Variants in BTF3 observed in about 807,000 individuals in gnomAD.
BTF3 encodes transcription factor BTF3.
Under a neutral mutation model 23.9 loss-of-function variants are expected in BTF3, and 12 were observed. The observed-to-expected ratio is 0.50, with a 90% CI of 0.32 to 0.81. The LOEUF (loss-of-function observed/expected upper bound fraction) is 0.81, where lower values mean the gene tolerates loss of function less well. Among genes scored for constraint, BTF3 ranks in the 40% least tolerant of loss-of-function variants. BTF3 has a pLI of 0.03. For synonymous variants in BTF3, 96 were observed against 94.8 expected, an observed-to-expected ratio of 1.01 and a Z score of -0.07; for missense variants, 215 against 255.9, an observed-to-expected ratio of 0.84 and a Z score of 1.09.
Position 73,499,150 on chromosome 5 carries a change from T to C in BTF3, c.149T>C (p.Met50Thr). ...GQEPQMKETI[M>T]NQEKLAKLQA... is the part of the protein sequence containing the mutation. ...TTTTTCTAGATGAAAGAAACAATCA[T>C]GAACCAGGAAAAACTCGCCAAACTG... is the stretch of plus-strand genomic sequence containing the variant. Residue 50 changes from methionine to threonine, a missense_variant, in exon 2 of 6, where the codon ATG becomes ACG. Physicochemically the swap from Met to Thr is moderately conservative, Grantham distance 81. Coordinates refer to ENST00000380591, the MANE Select transcript of BTF3 (RefSeq NM_001037637.2). The C allele has an allele frequency of 6.2e-7, 1 of 1,612,092 alleles. No individual in the cohort carries two copies. The highest frequency in any genetic ancestry group is 8.5e-7 in the Non-Finnish European group (1 of 1,179,686).
At position 73,498,646 on chromosome 5, in the gene BTF3, G is replaced by T. The variant is rs1242254881; in HGVS notation, c.-22G>T. 2 of 1,495,098 alleles carry T rather than the reference G, an allele frequency of 1.3e-6. No individual in the cohort carries two copies. The highest frequency in any genetic ancestry group is 1.8e-6 in the Non-Finnish European group (2 of 1,131,938). The allele number at this position is 1,495,098 out of a possible 1,614,324, so 92.6% of individuals were successfully genotyped here. On this transcript the variant is annotated 5_prime_UTR_variant, in exon 1 of 6. Transcript: ENST00000380591. ...GAAGGAGCGAGACAGGGAGGGACAG[G>T]GCAGAGGAGGAGAGGAAGGCGATGC... is the stretch of plus-strand genomic sequence containing the variant.
At position 73,505,277 on chromosome 5, in the gene BTF3, C is replaced by T. The variant is rs1746530464; in HGVS notation, c.*39C>T. ...CTGAAGATAAAACCTGAAGAAGTTACTGGGAGCTGCTATTTTATATTATGA... is the reference window on the plus strand; with the variant it reads ...CTGAAGATAAAACCTGAAGAAGTTATTGGGAGCTGCTATTTTATATTATGA... On this transcript the variant is annotated 3_prime_UTR_variant, in exon 6 of 6. Coordinates refer to ENST00000380591, the MANE Select transcript of BTF3 (RefSeq NM_001037637.2). The T allele has an allele frequency of 1.3e-6, 2 of 1,571,746 alleles. No homozygotes were observed. Among genetic ancestry groups the T allele is most frequent in the African/African-American group, 1.4e-5 (1 of 73,540 alleles).
rs766351583 is a variant in BTF3 at position 73,502,908 on chromosome 5, C to T, written c.316-8C>T. On this transcript the variant is annotated splice_region_variant and splice_polypyrimidine_tract_variant and intron_variant, in intron 3 of 5. Coordinates refer to ENST00000380591, the MANE Select transcript of BTF3 (RefSeq NM_001037637.2). ...CATTGCTAATTTAAATTTTTCTTTT[C>T]TTAATAGGTGAATATGTTTACAAAC... 6.2e-7 allele frequency: 1 copy of T among 1,610,734 alleles called. No individual in the cohort carries two copies. The highest frequency in any genetic ancestry group is 1.3e-5 in the African/African-American group (1 of 74,772).
intron 2 of BTF3, among the ~76,000 whole-genome samples, chr5:73,500,700 C>G (rs1305517765): frequency 6.6e-6 from 1 of 151,950 alleles, no homozygotes; most frequent in African/African-American, 2.4e-5. Context: ...TTACAAAAGC[C>G]CTTTATTTTC....
intron 5 of BTF3, chr5:73,504,722 C>T: frequency 4.7e-6 from 1 of 211,696 alleles, no homozygotes; most frequent in Non-Finnish European, 9.2e-6. Flanking sequence ...CTTTGAAACT[C>T]ATGAATTTAC....
chr5:73,504,412 G>A lies in BTF3; in HGVS notation c.574+9G>A, dbSNP rs756986460. ...TGATGATGAAGTTCCAGGTAGGAAC[G>A]TTTACTTGTGGTTAACCTAGAGAAT... On this transcript the variant is annotated intron_variant, in intron 5 of 5. Transcript: ENST00000380591. The A allele has an allele frequency of 2.1e-5, 33 of 1,597,662 alleles. No homozygotes were observed. In the South Asian group the frequency reaches 2.3e-4, roughly 11 times the overall value.
chr5:73,498,614 G>T lies in BTF3; in HGVS notation c.-54G>T, dbSNP rs1327810708. 1 of 1,431,284 alleles carries T rather than the reference G, an allele frequency of 7.0e-7. No homozygotes were observed. The highest frequency in any genetic ancestry group is 9.1e-7 in the Non-Finnish European group (1 of 1,100,840). The allele number at this position is 1,431,284 out of a possible 1,614,324, so 88.7% of individuals were successfully genotyped here. ...AGGAGGACGGGAGCGGGGGCGGGAAGTTCCCTGAAGGAGCGAGACAGGGAG... is the reference window on the plus strand; with the variant it reads ...AGGAGGACGGGAGCGGGGGCGGGAATTTCCCTGAAGGAGCGAGACAGGGAG... On this transcript the variant is annotated 5_prime_UTR_variant, in exon 1 of 6. Coordinates refer to ENST00000380591, the MANE Select transcript of BTF3 (RefSeq NM_001037637.2).
In BTF3 at chr5:73,502,842, C is replaced by T. The variant is rs575670734; in HGVS notation, c.316-74C>T. ...CACAGTGAAATACTAGTTAGCCAGA[C>T]TTAGTTTAATAAAACATTTGTTTTT... On this transcript the variant is annotated intron_variant, in intron 3 of 5. Transcript: ENST00000380591. 156 of 1,464,268 alleles carry T rather than the reference C, an allele frequency of 1.1e-4. 2 individuals are homozygous for T. In the South Asian group the frequency reaches 1.2e-3, roughly 11 times the overall value. The allele number at this position is 1,464,268 out of a possible 1,614,324, so 90.7% of individuals were successfully genotyped here. A position where few individuals can be genotyped will look rare whatever the true frequency, so the allele number is the denominator to read the frequency against.
chr5:73,503,267 C>G (rs1376083764), intron 4 of BTF3, 150 bp downstream of exon 4: 2 of 813,308 alleles, frequency 2.5e-6, no homozygotes, highest in South Asian at 1.8e-5. Flanking sequence ...AGCAACTGTC[C>G]TTGCTCAAGT....
intron 4 of BTF3, 79 bp from the exon 5 acceptor site, chr5:73,504,267 CT>C (rs34051700): frequency 0.11 from 13,119 of 124,680 alleles, 345 homozygotes; most frequent in African/African-American, 0.27. Context: ...TTCATCTGTT[CT>C]TTTTTTTTTT....
In BTF3 at chr5:73,498,532, G is replaced by T; in HGVS notation, c.-136G>T. ...CCTTGAGCACCAACCCTAGTCCCCC[G>T]CGCGGCCCCTTATTCGCTCCGACAA... On this transcript the variant is annotated 5_prime_UTR_variant, in exon 1 of 6. Coordinates refer to ENST00000380591, the MANE Select transcript of BTF3 (RefSeq NM_001037637.2). The T allele has an allele frequency of 3.8e-6, 5 of 1,305,794 alleles. No homozygotes were observed. The highest frequency in any genetic ancestry group is 5.0e-6 in the Non-Finnish European group (5 of 1,008,898). The allele number at this position is 1,305,794 out of a possible 1,614,324, so 80.9% of individuals were successfully genotyped here. A position where few individuals can be genotyped will look rare whatever the true frequency, so the allele number is the denominator to read the frequency against.
intron 2 of BTF3, among the ~76,000 whole-genome samples, chr5:73,501,177 AAG>A (rs1374114494): frequency 2.6e-5 from 4 of 152,188 alleles, no homozygotes; most frequent in Non-Finnish European, 4.4e-5. Context: ...GGCATAGGGA[AAG>A]GGGGTAATTG....
At chr5:73,500,295 A>G (rs1442690830) in intron 2 of BTF3, among the ~76,000 whole-genome samples, 1 of 152,118 alleles carries the variant, frequency 6.6e-6, no homozygotes, top group Admixed American at 6.5e-5. Context: ...CAAAACTCAA[A>G]TTTTTTGTGT....
At chr5:73,499,446 AAC>A (rs3057007) in intron 2 of BTF3, 85,597 of 582,694 alleles carry the variant, frequency 0.15, 14,600 homozygotes, top group African/African-American at 0.55. Context: ...GTGTAAGTAG[AAC>A]ACAAAAGTGT....
In BTF3 at chr5:73,505,390, C is replaced by G. The variant is rs1746532874; in HGVS notation, c.*152C>G. The G allele has an allele frequency of 1.7e-6, 1 of 598,194 alleles. No individual in the cohort carries two copies. The highest frequency in any genetic ancestry group is 2.8e-6 in the Non-Finnish European group (1 of 356,704). The allele number at this position is 598,194 out of a possible 1,614,324, so 37.1% of individuals were successfully genotyped here. A position where few individuals can be genotyped will look rare whatever the true frequency, so the allele number is the denominator to read the frequency against. On this transcript the variant is annotated 3_prime_UTR_variant, in exon 6 of 6. Transcript: ENST00000380591. ...CCCAAGCCCCTTGGACACTGCAGCT[C>G]TTTTCAGTTTTTGCTTATACACAAT...
chr5:73,502,542 A>G lies in BTF3; in HGVS notation c.256A>G (p.Lys86Glu). ...TCATAGAACAGCCACAGCAGATGACAAAAAACTTCAGTTCTCCTTAAAGAA... is the reference window on the plus strand; with the variant it reads ...TCATAGAACAGCCACAGCAGATGACGAAAAACTTCAGTTCTCCTTAAAGAA... The part of the protein sequence containing the change: ...VVHRTATADD[K>E]KLQFSLKKLG... Residue 86 changes from lysine to glutamate, a missense_variant, in exon 3 of 6, where the codon AAA (lysine) becomes GAA (glutamate). Lys to Glu is a moderately conservative substitution (Grantham distance 56, BLOSUM62 1). Coordinates refer to ENST00000380591, the MANE Select transcript of BTF3 (RefSeq NM_001037637.2). The G allele has an allele frequency of 6.2e-7, 1 of 1,610,760 alleles. No individual in the cohort carries two copies. Among genetic ancestry groups the G allele is most frequent in the Non-Finnish European group, 8.5e-7 (1 of 1,179,286 alleles).
At chr5:73,498,909 C>T in intron 1 of BTF3, 110 bp downstream of exon 1, 1 of 1,430,936 alleles carries the variant, frequency 7.0e-7, no homozygotes, top group Non-Finnish European at 9.2e-7. Flanking sequence ...TAGAGCCTTT[C>T]ATCCGGGCCT....
Position 73,505,191 on chromosome 5 carries a change from G to T in BTF3, c.575-1G>T. 1 of 1,608,830 alleles carries T rather than the reference G, an allele frequency of 6.2e-7. No homozygotes were observed. The highest frequency in any genetic ancestry group is 1.1e-5 in the South Asian group (1 of 90,606). ...AATTTCTACTCTTTTCCTTTTCCTA[G>T]ATCTTGTGGAGAATTTTGATGAGGC... On this transcript the variant is annotated splice_acceptor_variant, in intron 5 of 5. Coordinates refer to ENST00000380591, the MANE Select transcript of BTF3 (RefSeq NM_001037637.2). LOFTEE classifies it high-confidence loss of function.
intron 4 of BTF3, among the ~76,000 whole-genome samples, chr5:73,504,044 C>T (rs1746498542): frequency 6.6e-6 from 1 of 152,094 alleles, no homozygotes; most frequent in Non-Finnish European, 1.5e-5. Flanking sequence ...TGGGTTTTAC[C>T]TGCACTCTAA....
Sources: allele counts gnomAD v4.1 joint callset (sites outside exome capture counted in the v4.1 genomes callset), GRCh38; gene constraint gnomAD v4.1.1; transcripts MANE v1.5; gene names NCBI Gene and HGNC (gene_info 2026-07-23, HGNC 2026-07-21).